ARHGAP10: variants seen among roughly 807,000 people sequenced by gnomAD.
ARHGAP10 encodes Rho GTPase activating protein 10, also known as rho GTPase-activating protein 10.
Under a neutral mutation model 108.6 loss-of-function variants are expected in ARHGAP10, and 87 were observed. The ratio of observed to expected loss-of-function variants is 0.80; its 90% CI spans 0.67 to 0.96. The LOEUF is 0.96. Ranked by LOEUF, ARHGAP10 falls within the 40% of genes least tolerant of loss-of-function variation. The pLI is 0.00. For synonymous variants in ARHGAP10, 347 were observed against 341.1 expected (o/e 1.02, Z -0.19); for missense variants, 939 against 954.5 (o/e 0.98, Z 0.21).
intron 15 of ARHGAP10, among the ~76,000 whole-genome samples, chr4:147,947,018 A>G (rs899362968): frequency 5.3e-5 from 8 of 152,212 alleles, no homozygotes; most frequent in Non-Finnish European, 1.2e-4. Flanking sequence ...AAGGCTATTT[A>G]TTGAATTCAT....
At chr4:147,876,086 C>T (rs80034292) in intron 8 of ARHGAP10, among the ~76,000 whole-genome samples, 1,789 of 152,270 alleles carry the variant, frequency 0.012, 25 homozygotes, top group African/African-American at 0.039. Context: ...ACTCAGGGAA[C>T]GGTTACAGGG....
intron 7 of ARHGAP10, among the ~76,000 whole-genome samples, chr4:147,873,650 A>ACCCCTGTC (rs1486358130): frequency 4.0e-5 from 6 of 149,542 alleles, no homozygotes; most frequent in Non-Finnish European, 8.9e-5. Context: ...CCATAATGAG[A>ACCCCTGTC]CCCCTGTCTC....
At chr4:147,883,357 T>A (rs1041146797) in intron 10 of ARHGAP10, among the ~76,000 whole-genome samples, 10 of 152,174 alleles carry the variant, frequency 6.6e-5, no homozygotes, top group Non-Finnish European at 1.3e-4. Flanking sequence ...CCACCATGCC[T>A]GGCCTAAATT....
At chr4:147,757,903 G>A (rs1221494607) in intron 1 of ARHGAP10, among the ~76,000 whole-genome samples, 1 of 152,148 alleles carries the variant, frequency 6.6e-6, no homozygotes, top group Non-Finnish European at 1.5e-5. Flanking sequence ...AGGTGTGCCC[G>A]AGACTGCTAC....
chr4:148,046,778 T>C, intron 19 of ARHGAP10, 114 bp from the exon 20 acceptor site: 4 of 1,098,184 alleles, frequency 3.6e-6, no homozygotes, highest in Non-Finnish European at 5.1e-6. Flanking sequence ...CAGGCTGAAC[T>C]GTAAATGTAA....
chr4:148,018,963 AG>A (rs1243916951), intron 18 of ARHGAP10, among the ~76,000 whole-genome samples: 4 of 152,232 alleles, frequency 2.6e-5, no homozygotes, highest in Non-Finnish European at 5.9e-5. Flanking sequence ...CTTATGAGAA[AG>A]CTTGCTACCT....
intron 18 of ARHGAP10, among the ~76,000 whole-genome samples, chr4:147,979,043 G>T (rs1739712736): frequency 6.6e-6 from 1 of 152,082 alleles, no homozygotes; most frequent in Non-Finnish European, 1.5e-5. Context: ...CTTTTGCTGT[G>T]CAGAAGCCCT....
At chr4:147,766,574 G>A (rs1170387184) in intron 1 of ARHGAP10, among the ~76,000 whole-genome samples, 1 of 144,052 alleles carries the variant, frequency 6.9e-6, no homozygotes, top group African/African-American at 2.5e-5. Flanking sequence ...GGGTGTGTGT[G>A]TATATATACA....
At chr4:147,825,768 A>G (rs1732682333) in intron 3 of ARHGAP10, among the ~76,000 whole-genome samples, 1 of 152,148 alleles carries the variant, frequency 6.6e-6, no homozygotes, top group African/African-American at 2.4e-5. Context: ...TTATGTTAAT[A>G]GTGTCAATTT....
At chr4:147,798,779 CTCTATA>C (rs1560764861) in intron 1 of ARHGAP10, among the ~76,000 whole-genome samples, 1 of 3,532 alleles carries the variant, frequency 2.8e-4, no homozygotes, top group African/African-American at 4.1e-4. Context: ...CTCTCTCTCT[CTCTATA>C]TATATATATA....
At chr4:148,044,067 T>C (rs1248047958) in intron 19 of ARHGAP10, among the ~76,000 whole-genome samples, 1 of 152,052 alleles carries the variant, frequency 6.6e-6, no homozygotes. Context: ...TCAGGCTGTG[T>C]CAACATTCCC....
chr4:148,033,923 A>G (rs1728260929), intron 19 of ARHGAP10, among the ~76,000 whole-genome samples: 1 of 152,124 alleles, frequency 6.6e-6, no homozygotes, highest in Non-Finnish European at 1.5e-5. Flanking sequence ...GGGGATCCCT[A>G]TTACTGGAAA....
intron 1 of ARHGAP10, among the ~76,000 whole-genome samples, chr4:147,813,238 A>G (rs1264418326): frequency 2.0e-5 from 3 of 152,058 alleles, no homozygotes; most frequent in African/African-American, 7.2e-5. Context: ...TCACTGGCCT[A>G]TACCCGAGTT....
At chr4:147,755,082 CAA>C (rs550063397) in intron 1 of ARHGAP10, among the ~76,000 whole-genome samples, 28 of 103,690 alleles carry the variant, frequency 2.7e-4, no homozygotes, top group African/African-American at 6.2e-4. Context: ...AACTCCGTCT[CAA>C]AAAAAAAAAA....
chr4:147,749,068 T>A (rs1729043801), intron 1 of ARHGAP10, among the ~76,000 whole-genome samples: 1 of 152,224 alleles, frequency 6.6e-6, no homozygotes, highest in South Asian at 2.1e-4. Context: ...GCAAAACAAA[T>A]GAGGACTATA....
At chr4:147,777,124 T>C (rs1394290744) in intron 1 of ARHGAP10, among the ~76,000 whole-genome samples, 1 of 152,204 alleles carries the variant, frequency 6.6e-6, no homozygotes, top group African/African-American at 2.4e-5. Context: ...TTAAACTGTT[T>C]TAAGGTGCAT....
intron 3 of ARHGAP10, among the ~76,000 whole-genome samples, chr4:147,843,348 C>G (rs1240848863): frequency 6.6e-6 from 1 of 152,210 alleles, no homozygotes; most frequent in East Asian, 1.9e-4. Context: ...TCCTCTCTCT[C>G]TACTGCCCCA....
intron 3 of ARHGAP10, among the ~76,000 whole-genome samples, chr4:147,835,131 A>G (rs1560782084): frequency 6.6e-6 from 1 of 152,116 alleles, no homozygotes; most frequent in Non-Finnish European, 1.5e-5. Context: ...GCCTACTATG[A>G]GCCACCGTGT....
At chr4:148,060,711 G>A (rs979262236) in intron 20 of ARHGAP10, among the ~76,000 whole-genome samples, 2 of 152,136 alleles carry the variant, frequency 1.3e-5, no homozygotes, top group Non-Finnish European at 2.9e-5. Flanking sequence ...CCCTTGTGGG[G>A]TTCTGAAATC....
Sources: allele counts gnomAD v4.1 joint callset (sites outside exome capture counted in the v4.1 genomes callset), GRCh38; gene constraint gnomAD v4.1.1; transcripts MANE v1.5; gene names NCBI Gene and HGNC (gene_info 2026-07-23, HGNC 2026-07-21).